SUZ12: variants seen among roughly 807,000 people sequenced by gnomAD.
SUZ12 encodes the protein polycomb protein SUZ12.
Under a neutral mutation model 87.3 loss-of-function variants are expected in SUZ12, and 17 were observed. The ratio of observed to expected loss-of-function variants is 0.19; its 90% CI spans 0.13 to 0.29. The LOEUF (loss-of-function observed/expected upper bound fraction) is 0.29, where lower values mean the gene tolerates loss of function less well. SUZ12 is among the 10% of genes least tolerant of loss of function. The pLI is 1.00. For missense variants in SUZ12, 526 were observed against 912.2 expected (o/e 0.58, Z 5.45); for synonymous variants, 253 against 312.4 (o/e 0.81, Z 2.01).
At chr17:31,963,441 G>A (rs1907864293) in intron 4 of SUZ12, among the ~76,000 whole-genome samples, 2 of 151,558 alleles carry the variant, frequency 1.3e-5, no homozygotes, top group South Asian at 2.1e-4. Context: ...TTACAGGCAT[G>A]AGCCACCACG....
Position 31,998,657 on chromosome 17 carries a change from G to T in SUZ12, c.1875-1G>T. 1.3e-6 allele frequency: 2 copies of T among 1,535,176 alleles called. No individual in the cohort carries two copies. Among genetic ancestry groups the T allele is most frequent in the Non-Finnish European group, 8.7e-7 (1 of 1,144,158 alleles). On this transcript the variant is annotated splice_acceptor_variant, in intron 15 of 15. Coordinates refer to ENST00000322652, the MANE Select transcript of SUZ12 (RefSeq NM_015355.4). LOFTEE classifies it high-confidence loss of function. ...ATTCATATTCTGTTTTTATTAAATA[G>T]GTTTATTGCTGACAATCAAATGAAT...
At chr17:31,976,305 G>T (rs1005118843) in intron 7 of SUZ12, among the ~76,000 whole-genome samples, 2 of 152,328 alleles carry the variant, frequency 1.3e-5, no homozygotes, top group African/African-American at 4.8e-5. Flanking sequence ...AGAAACATTA[G>T]CATTTGCAAA....
chr17:31,942,481 G>A (rs887595430), intron 3 of SUZ12, among the ~76,000 whole-genome samples: 3 of 152,020 alleles, frequency 2.0e-5, no homozygotes, highest in African/African-American at 7.2e-5. Context: ...GATTACAGGT[G>A]CCCACCACCA....
At chr17:31,941,552 T>G (rs1598145051) in intron 3 of SUZ12, among the ~76,000 whole-genome samples, 2 of 20,036 alleles carry the variant, frequency 1.0e-4, no homozygotes, top group East Asian at 3.4e-3. Flanking sequence ...CCACCGTGCC[T>G]GGCCTTTTTT....
chr17:31,938,140 T>C (rs1370392896), intron 1 of SUZ12, among the ~76,000 whole-genome samples: 1 of 152,204 alleles, frequency 6.6e-6, no homozygotes, highest in Non-Finnish European at 1.5e-5. Context: ...TCTACCTGGC[T>C]TACAGAACAT....
chr17:31,981,739 A>G (rs927321881), intron 8 of SUZ12, among the ~76,000 whole-genome samples: 8 of 152,248 alleles, frequency 5.3e-5, no homozygotes, highest in African/African-American at 1.7e-4. Flanking sequence ...TTAGAGACAG[A>G]CACCTGGATT....
chr17:31,963,236 C>T (rs1272504406), intron 4 of SUZ12, among the ~76,000 whole-genome samples: 91 of 152,308 alleles, frequency 6.0e-4, no homozygotes, highest in Non-Finnish European at 2.2e-4. Context: ...CCTCCACCTC[C>T]TGGGTTCAAG....
intron 8 of SUZ12, among the ~76,000 whole-genome samples, chr17:31,978,336 A>C (rs1180289712): frequency 6.6e-6 from 1 of 151,922 alleles, no homozygotes; most frequent in Non-Finnish European, 1.5e-5. Flanking sequence ...AGCCTCCTGA[A>C]TAGCTGGGAT....
Position 31,994,810 on chromosome 17 carries a change from G to A in SUZ12, c.1595+89G>A, listed in dbSNP as rs370474468. The A allele has an allele frequency of 2.8e-5, 39 of 1,402,990 alleles. 1 individual carries two copies. Among genetic ancestry groups the A allele is most frequent in the African/African-American group, 1.9e-4 (13 of 69,496 alleles). The allele number at this position is 1,402,990 out of a possible 1,614,324, so 86.9% of individuals were successfully genotyped here. On this transcript the variant is annotated intron_variant, in intron 13 of 15. Transcript: ENST00000322652. ...AGGAGCCAGATGAAGCTACTAGTTC[G>A]TTAGGTGGAAATTATTATTTTTCAG... is the stretch of plus-strand genomic sequence containing the variant.
intron 5 of SUZ12, among the ~76,000 whole-genome samples, chr17:31,971,039 A>C (rs1188681245): frequency 6.6e-6 from 1 of 152,164 alleles, no homozygotes; most frequent in African/African-American, 2.4e-5. Flanking sequence ...TACATAGAGA[A>C]TATAGACTAT....
In SUZ12 at chr17:31,959,120, A is replaced by G. The variant is rs374358333; in HGVS notation, c.456-7027A>G. ...ATGTTTTCCCTTTCTTTTTTTTAAT[A>G]CACTTTGCCTTGACTATAAGCTTTG... On this transcript the variant is annotated intron_variant, in intron 4 of 15. Coordinates refer to ENST00000322652, the MANE Select transcript of SUZ12 (RefSeq NM_015355.4). Among the ~76,000 whole-genome samples the G allele has an allele frequency of 5.9e-5, 9 of 152,090 alleles. No homozygotes were observed. The South Asian group carries it at 8.3e-4, about 14-fold the overall frequency.
chr17:31,987,443 G>A (rs764988558), intron 9 of SUZ12, among the ~76,000 whole-genome samples: 34 of 152,134 alleles, frequency 2.2e-4, no homozygotes, highest in Non-Finnish European at 3.7e-4. Context: ...ATGGCTAAAA[G>A]TTAGCTATTT....
chr17:31,995,862 T>TAAAA (rs1220841671), intron 14 of SUZ12, 100 bp downstream of exon 14: 63 of 701,610 alleles, frequency 9.0e-5, no homozygotes, highest in South Asian at 1.5e-4. Context: ...GAACTTTTTT[T>TAAAA]AAAAAAAAAA....
chr17:31,954,422 C>G (rs1907179983), intron 4 of SUZ12, among the ~76,000 whole-genome samples: 1 of 152,042 alleles, frequency 6.6e-6, no homozygotes, highest in Non-Finnish European at 1.5e-5. Context: ...TAAACCTCCC[C>G]CTTTTTAAGC....
chr17:31,963,642 C>G (rs150228514), intron 4 of SUZ12, among the ~76,000 whole-genome samples: 10,246 of 150,436 alleles, frequency 0.068, no homozygotes, highest in African/African-American at 0.22. Context: ...CCTGCCTCAG[C>G]CTCCCGAGTA....
In SUZ12 at chr17:31,976,600, A is replaced by G. The variant is rs1345380651; in HGVS notation, c.903A>G (p.Val301=). The G allele has an allele frequency of 1.2e-6, 2 of 1,611,864 alleles. No homozygotes were observed. Among genetic ancestry groups the G allele is most frequent in the Non-Finnish European group, 1.7e-6 (2 of 1,178,706 alleles). ...AGACATTTGTTGCACAAATGACAGTATTTGATAAAAACAGGTAATGTTGAT... is the reference window on the plus strand; with the variant it reads ...AGACATTTGTTGCACAAATGACAGTGTTTGATAAAAACAGGTAATGTTGAT... ...GEKTFVAQMT[V]FDKNRRLQLL... Residue 301 remains valine (V), a synonymous_variant, in exon 8 of 16, where the codon GTA becomes GTG. Coordinates refer to ENST00000322652, the MANE Select transcript of SUZ12 (RefSeq NM_015355.4).
Position 31,937,183 on chromosome 17 carries a change from G to T in SUZ12, c.-64G>T. On this transcript the variant is annotated 5_prime_UTR_variant, in exon 1 of 16. Coordinates refer to ENST00000322652, the MANE Select transcript of SUZ12 (RefSeq NM_015355.4). ...CCTGCTGGGGCGAGCGGTTGGTATT[G>T]CAGGCGCTTGCTCTCCGGGGCCGCC... is the stretch of plus-strand genomic sequence containing the variant. 1 of 1,355,094 alleles carries T rather than the reference G, an allele frequency of 7.4e-7. No homozygotes were observed. Among genetic ancestry groups the T allele is most frequent in the Non-Finnish European group, 9.5e-7 (1 of 1,055,204 alleles). 83.9% of individuals were successfully genotyped at this position (1,355,094 alleles called of 1,614,324 possible). A position where few individuals can be genotyped will look rare whatever the true frequency, so the allele number is the denominator to read the frequency against.
intron 9 of SUZ12, among the ~76,000 whole-genome samples, chr17:31,983,879 A>G (rs1188024722): frequency 6.6e-6 from 1 of 152,222 alleles, no homozygotes; most frequent in Non-Finnish European, 1.5e-5. Context: ...CGTACTTAAG[A>G]TAACTCTTTT....
At chr17:31,947,551 A>G in intron 3 of SUZ12, 66 bp from the exon 4 acceptor site, 1 of 1,543,780 alleles carries the variant, frequency 6.5e-7, no homozygotes. Context: ...TAGAGTGACA[A>G]TAAAGTATAA....
Sources: allele counts gnomAD v4.1 joint callset (sites outside exome capture counted in the v4.1 genomes callset), GRCh38; gene constraint gnomAD v4.1.1; transcripts MANE v1.5; gene names NCBI Gene and HGNC (gene_info 2026-07-23, HGNC 2026-07-21).